The following MED12L variants were observed in gnomAD, a reference collection of about 807,000 sequenced individuals.
MED12L encodes mediator of RNA polymerase II transcription subunit 12-like protein.
In MED12L, 60 loss-of-function variants were observed where a neutral mutation model predicts 281.3. That is an observed-to-expected ratio of 0.21 (90% CI 0.17 to 0.26). The LOEUF (loss-of-function observed/expected upper bound fraction) is 0.26. Ranked by LOEUF, MED12L falls within the 10% of genes least tolerant of loss-of-function variation. The pLI is 1.00. For missense variants in MED12L, 2,146 were observed against 2,680.9 expected (o/e 0.80, Z 4.41); for synonymous variants, 974 against 987.2 (o/e 0.99, Z 0.25).
rs1398898282 is a variant in MED12L, at chr3:151,243,187, ACT to A, written c.2250+49524_2250+49525del. ...GGAGAATGGAACCAAGTTGGAAAAC[ACT>A]CTGCAGGATATTATCCAGGAGAACT... On this transcript the variant is annotated intron_variant, in intron 16 of 44. Coordinates refer to ENST00000687756, the MANE Select transcript of MED12L (RefSeq NM_001393769.1). Among the ~76,000 whole-genome samples, 17 of 152,132 alleles carry A rather than the reference ACT, an allele frequency of 1.1e-4. No individual in the cohort carries two copies. In the South Asian group the frequency reaches 3.5e-3, roughly 32 times the overall value.
intron 16 of MED12L, among the ~76,000 whole-genome samples, chr3:151,201,863 A>G (rs1457240850): frequency 1.3e-5 from 2 of 152,178 alleles, no homozygotes; most frequent in Non-Finnish European, 2.9e-5. Context: ...ACGCACTTCT[A>G]TTTCAAATAT....
At position 151,367,780 on chromosome 3, in the gene MED12L, C is replaced by T. The variant is rs376549148; in HGVS notation, c.3448+14C>T. On this transcript the variant is annotated intron_variant, in intron 24 of 44. Coordinates refer to ENST00000687756, the MANE Select transcript of MED12L (RefSeq NM_001393769.1). ...TTCTAGCAGCAGGTAAGGCAGCATC[C>T]ATGAACATCCGTTGCTCTTTGATTG... The T allele has an allele frequency of 6.3e-7, 1 of 1,594,698 alleles. No individual in the cohort carries two copies. Among genetic ancestry groups the T allele is most frequent in the Non-Finnish European group, 8.6e-7 (1 of 1,168,588 alleles).
chr3:151,293,684 A>C (rs1200029663), intron 16 of MED12L, among the ~76,000 whole-genome samples: 6 of 142,370 alleles, frequency 4.2e-5, no homozygotes, highest in Admixed American at 1.4e-4. Flanking sequence ...CACACCCTCT[A>C]CCTTCATTTC....
chr3:151,340,597 T>C (rs1751688491), intron 16 of MED12L: 1 of 152,632 alleles, frequency 6.6e-6, no homozygotes, highest in African/African-American at 2.4e-5. Flanking sequence ...TAACATTACC[T>C]GATAACTGTT....
chr3:151,303,188 A>AT (rs1006398632), intron 16 of MED12L, among the ~76,000 whole-genome samples: 2 of 152,108 alleles, frequency 1.3e-5, no homozygotes, highest in Non-Finnish European at 2.9e-5. Flanking sequence ...GGGTTAGAAG[A>AT]TTGTTGGAGG....
intron 5 of MED12L, among the ~76,000 whole-genome samples, chr3:151,154,885 A>G (rs1046024159): frequency 2.6e-5 from 4 of 152,250 alleles, no homozygotes; most frequent in African/African-American, 7.2e-5. Context: ...CAGAAAAACT[A>G]TTAAACTAGG....
At chr3:151,273,416 T>TTC (rs1289833008) in intron 16 of MED12L, among the ~76,000 whole-genome samples, 1 of 147,844 alleles carries the variant, frequency 6.8e-6, no homozygotes, top group Non-Finnish European at 1.5e-5. Context: ...TTTTTTTTTT[T>TTC]TTTTTTAGTA....
chr3:151,203,063 G>A (rs1355241873), intron 16 of MED12L: 1 of 151,800 alleles, frequency 6.6e-6, no homozygotes, highest in African/African-American at 2.4e-5. Context: ...TGTTTTCCAC[G>A]GAAAAGCATT....
At chr3:151,325,860 G>T (rs1749533543) in intron 16 of MED12L, among the ~76,000 whole-genome samples, 1 of 152,152 alleles carries the variant, frequency 6.6e-6, no homozygotes, top group South Asian at 2.1e-4. Flanking sequence ...TAGCTTGGAT[G>T]CAGTTATTTA....
At chr3:151,166,391 A>G (rs1720716664) in intron 11 of MED12L, among the ~76,000 whole-genome samples, 2 of 152,064 alleles carry the variant, frequency 1.3e-5, no homozygotes, top group African/African-American at 2.4e-5. Context: ...TCCTTAGACA[A>G]TGTGTTAGGG....
At chr3:151,212,106 G>GA (rs1559882456) in intron 16 of MED12L, 2 of 152,164 alleles carry the variant, frequency 1.3e-5, no homozygotes, top group East Asian at 3.9e-4. Context: ...TGATTATTAA[G>GA]AAAAAATAGA....
chr3:151,374,839 G>C (rs368302247), intron 27 of MED12L, among the ~76,000 whole-genome samples: 83 of 152,178 alleles, frequency 5.5e-4, no homozygotes, highest in African/African-American at 2.0e-3. Context: ...ACTCAGAGAT[G>C]TGTCTCCCTC....
chr3:151,180,517 G>A (rs935219157), intron 11 of MED12L, among the ~76,000 whole-genome samples: 1 of 152,196 alleles, frequency 6.6e-6, no homozygotes, highest in Non-Finnish European at 1.5e-5. Flanking sequence ...TAAAAAGAAA[G>A]CACATTAATG....
chr3:151,106,558 C>G (rs141558968), intron 2 of MED12L, among the ~76,000 whole-genome samples: 1 of 152,200 alleles, frequency 6.6e-6, no homozygotes, highest in African/African-American at 2.4e-5. Flanking sequence ...CCTGCATAGT[C>G]TCTCCCCCAA....
At chr3:151,427,240 GA>G (rs1333891738) in intron 43 of MED12L, among the ~76,000 whole-genome samples, 1 of 152,118 alleles carries the variant, frequency 6.6e-6, no homozygotes, top group Non-Finnish European at 1.5e-5. Context: ...GAAAATAAGT[GA>G]AAAAAGCAGA....
chr3:151,195,501 A>G (rs949112318), intron 16 of MED12L, among the ~76,000 whole-genome samples: 1 of 152,066 alleles, frequency 6.6e-6, no homozygotes, highest in Non-Finnish European at 1.5e-5. Flanking sequence ...GTTTGTTCTT[A>G]TCTATCACTG....
chr3:151,167,819 A>G (rs1720913384), intron 11 of MED12L, among the ~76,000 whole-genome samples: 1 of 152,228 alleles, frequency 6.6e-6, no homozygotes, highest in South Asian at 2.1e-4. Flanking sequence ...AAAAGACTTC[A>G]TGAATACTAA....
chr3:151,158,447 T>A (rs1719563734), intron 6 of MED12L, among the ~76,000 whole-genome samples: 1 of 140,396 alleles, frequency 7.1e-6, no homozygotes, highest in South Asian at 2.1e-4. Flanking sequence ...GCTTCTGAAA[T>A]TTTTTTTTTT....
rs150733326 is a variant in MED12L, at chr3:151,142,886, C to T, written c.557-13275C>T. On this transcript the variant is annotated intron_variant, in intron 5 of 44. Coordinates refer to ENST00000687756, the MANE Select transcript of MED12L (RefSeq NM_001393769.1). ...TCATTTTCCAAATGTGTATAAACTTCCAAGTGAAATCCCTGGAATAACATG... is the reference window on the plus strand; with the variant it reads ...TCATTTTCCAAATGTGTATAAACTTTCAAGTGAAATCCCTGGAATAACATG... Among the ~76,000 whole-genome samples, 319 of 151,778 alleles carry T rather than the reference C, an allele frequency of 2.1e-3. 1 individual carries two copies. Among genetic ancestry groups the T allele is most frequent in the Middle Eastern group, 6.8e-3 (2 of 292 alleles).
Sources: allele counts gnomAD v4.1 joint callset (sites outside exome capture counted in the v4.1 genomes callset), GRCh38; gene constraint gnomAD v4.1.1; transcripts MANE v1.5; gene names NCBI Gene and HGNC (gene_info 2026-07-23, HGNC 2026-07-21).